Variants in BABAM2 observed in about 807,000 individuals in gnomAD.
BABAM2 encodes BRISC and BRCA1 A complex member 2, also known as BRISC and BRCA1-A complex member 2.
Under a neutral mutation model 54.7 loss-of-function variants are expected in BABAM2, and 31 were observed. The observed-to-expected ratio is 0.57, with a 90% CI of 0.43 to 0.77. BABAM2 has a LOEUF of 0.77. Ranked by LOEUF, BABAM2 falls within the 30% of genes least tolerant of loss-of-function variation. BABAM2 has a pLI of 0.00. For missense variants in BABAM2, 364 were observed against 455.8 expected (o/e 0.80, Z 1.83); for synonymous variants, 167 against 162.9 (o/e 1.03, Z -0.19).
intron 11 of BABAM2, among the ~76,000 whole-genome samples, chr2:28,316,893 A>G (rs1175809287): frequency 6.6e-6 from 1 of 152,200 alleles, no homozygotes; most frequent in Non-Finnish European, 1.5e-5. Context: ...ATTCTGCCCA[A>G]GGTCACAGAT....
chr2:28,306,373 A>T (rs1355625264), intron 11 of BABAM2, among the ~76,000 whole-genome samples: 1 of 152,050 alleles, frequency 6.6e-6, no homozygotes, highest in Non-Finnish European at 1.5e-5. Context: ...CCCTTCTGCT[A>T]ATTTTTACTT....
chr2:28,133,386 C>A (rs547469010), intron 7 of BABAM2, among the ~76,000 whole-genome samples: 6 of 152,332 alleles, frequency 3.9e-5, no homozygotes, highest in Non-Finnish European at 8.8e-5. Flanking sequence ...GGAAAAGCAT[C>A]CCATGTGGAC....
Position 27,929,965 on chromosome 2 carries a change from CT to C in BABAM2, c.205+60del, listed in dbSNP as rs1164255479. 66 of 1,492,400 alleles carry C rather than the reference CT, an allele frequency of 4.4e-5. No individual in the cohort carries two copies. The East Asian group carries it at 1.3e-3, about 30-fold the overall frequency. The allele number at this position is 1,492,400 out of a possible 1,614,324, so 92.4% of individuals were successfully genotyped here. A position where few individuals can be genotyped will look rare whatever the true frequency, so the allele number is the denominator to read the frequency against. Reference sequence around the variant, plus strand: ...GTAGGTTACAGTGTCAGCTATTGGACTTTGTGCTTTAGTTTTCATTTCCGGC... The same window carrying C: ...GTAGGTTACAGTGTCAGCTATTGGACTTGTGCTTTAGTTTTCATTTCCGGC... On this transcript the variant is annotated intron_variant, in intron 3 of 11. Coordinates refer to ENST00000379624, the MANE Select transcript of BABAM2 (RefSeq NM_199191.3).
chr2:28,096,453 T>G (rs6721310), intron 6 of BABAM2, among the ~76,000 whole-genome samples: 1 of 151,504 alleles, frequency 6.6e-6, no homozygotes, highest in African/African-American at 2.4e-5. Context: ...GGAGTGAGGT[T>G]GAGGGAAGGT....
chr2:28,088,680 G>A (rs1418258287), intron 6 of BABAM2, among the ~76,000 whole-genome samples: 1 of 152,164 alleles, frequency 6.6e-6, no homozygotes, highest in East Asian at 1.9e-4. Context: ...TCTCTGGGAG[G>A]GGGACAAAGG....
intron 6 of BABAM2, among the ~76,000 whole-genome samples, chr2:28,053,331 T>G (rs75810354): frequency 0.014 from 2,097 of 152,292 alleles, 56 homozygotes; most frequent in African/African-American, 0.048. Context: ...AAAATCTAGC[T>G]TTAAAGCAAA....
At chr2:27,999,655 A>T (rs1416187742) in intron 4 of BABAM2, among the ~76,000 whole-genome samples, 1 of 152,180 alleles carries the variant, frequency 6.6e-6, no homozygotes, top group Non-Finnish European at 1.5e-5. Context: ...GATGTTCATG[A>T]TTTGAGGATA....
At chr2:28,072,249 T>C (rs888195478) in intron 6 of BABAM2, among the ~76,000 whole-genome samples, 1 of 152,110 alleles carries the variant, frequency 6.6e-6, no homozygotes. Flanking sequence ...CTTGGCTTAC[T>C]GCAACCTTCG....
At chr2:28,096,139 A>G (rs1558330838) in intron 6 of BABAM2, among the ~76,000 whole-genome samples, 1 of 152,132 alleles carries the variant, frequency 6.6e-6, no homozygotes, top group Non-Finnish European at 1.5e-5. Context: ...CTGTTGGTTC[A>G]GGGCTAGATT....
chr2:28,254,486 G>T (rs933087914), intron 10 of BABAM2, among the ~76,000 whole-genome samples: 1 of 151,416 alleles, frequency 6.6e-6, no homozygotes, highest in Non-Finnish European at 1.5e-5. Flanking sequence ...CATTTCTGTG[G>T]GTTGGATCTG....
chr2:27,984,765 G>C (rs1330563854), intron 3 of BABAM2, among the ~76,000 whole-genome samples: 2 of 151,754 alleles, frequency 1.3e-5, no homozygotes, highest in African/African-American at 2.4e-5. Flanking sequence ...TTCTTTAGCG[G>C]TGATTTCTGA....
At chr2:28,124,107 C>T (rs1669298578) in intron 6 of BABAM2, among the ~76,000 whole-genome samples, 1 of 152,170 alleles carries the variant, frequency 6.6e-6, no homozygotes, top group Admixed American at 6.5e-5. Flanking sequence ...AGCCTCTAGC[C>T]TTGACCTTAC....
chr2:28,135,099 T>G (rs1485979101), intron 7 of BABAM2, among the ~76,000 whole-genome samples: 1 of 152,172 alleles, frequency 6.6e-6, no homozygotes, highest in Non-Finnish European at 1.5e-5. Context: ...GCTTAGTTAG[T>G]GCTCCTTGAG....
At chr2:27,900,675 C>T (rs1665709965) in intron 2 of BABAM2, among the ~76,000 whole-genome samples, 1 of 152,080 alleles carries the variant, frequency 6.6e-6, no homozygotes, top group Non-Finnish European at 1.5e-5. Context: ...TTTTATTGGC[C>T]TGATAGTGTA....
chr2:28,129,216 T>C, intron 6 of BABAM2, 55 bp from the exon 7 acceptor site: 1 of 1,487,056 alleles, frequency 6.7e-7, no homozygotes, highest in Non-Finnish European at 9.4e-7. Context: ...AGCTTGACAC[T>C]AATAAGATGT....
Position 28,185,422 on chromosome 2 carries a change from A to G in BABAM2, c.681-51780A>G, listed in dbSNP as rs1173754499. 3.3e-5 allele frequency among the ~76,000 whole-genome samples: 5 copies of G among 152,324 alleles called. No homozygotes were observed. The South Asian group carries it at 1.0e-3, about 32-fold the overall frequency. On this transcript the variant is annotated intron_variant, in intron 7 of 11. Transcript: ENST00000379624. ...GTGGTAACATCTCAAGTAATTTTAA[A>G]TAGCTTCGTGGATGATCCAGATTGC...
intron 7 of BABAM2, among the ~76,000 whole-genome samples, chr2:28,173,941 G>A (rs1192797719): frequency 1.3e-5 from 2 of 152,000 alleles, no homozygotes; most frequent in South Asian, 2.1e-4. Context: ...GATTTATAAG[G>A]GTTGACAGAA....
chr2:28,311,318 G>A lies in BABAM2; in HGVS notation c.1088+12827G>A, dbSNP rs1001614187. Among the ~76,000 whole-genome samples, 74 of 150,450 alleles carry A rather than the reference G, an allele frequency of 4.9e-4. No homozygotes were observed. The Middle Eastern group carries it at 0.01, about 21-fold the overall frequency. ...TTCAAGCTTGGGTTCCAATTACCCC[G>A]CCAGCCACTGGGGAAGTGTTTGGGA... On this transcript the variant is annotated intron_variant, in intron 11 of 11. Coordinates refer to ENST00000379624, the MANE Select transcript of BABAM2 (RefSeq NM_199191.3).
chr2:28,289,625 CA>C (rs1216867676), intron 10 of BABAM2, among the ~76,000 whole-genome samples: 1 of 151,632 alleles, frequency 6.6e-6, no homozygotes. Context: ...CCCATCTCTA[CA>C]AAAAAAATAC....
Sources: allele counts gnomAD v4.1 joint callset (sites outside exome capture counted in the v4.1 genomes callset), GRCh38; gene constraint gnomAD v4.1.1; transcripts MANE v1.5; gene names NCBI Gene and HGNC (gene_info 2026-07-23, HGNC 2026-07-21).